Variants in LARGE1 observed in about 807,000 individuals in gnomAD.
LARGE1 encodes xylosyl- and glucuronyltransferase LARGE1.
A neutral mutation model predicts 87.6 loss-of-function variants in LARGE1; 43 were observed. The ratio of observed to expected loss-of-function variants is 0.49; its 90% CI spans 0.38 to 0.63. LARGE1 has a LOEUF of 0.63. Ranked by LOEUF, LARGE1 falls within the 30% of genes least tolerant of loss-of-function variation. The pLI, the probability that LARGE1 is intolerant of heterozygous loss-of-function variation, is 0.00. For missense variants in LARGE1, 802 were observed against 1,000.2 expected (o/e 0.80, Z 2.67); for synonymous variants, 434 against 394.6 (o/e 1.10, Z -1.18).
intron 1 of LARGE1, among the ~76,000 whole-genome samples, chr22:33,906,012 C>T (rs1205244957): frequency 1.3e-5 from 2 of 152,142 alleles, no homozygotes; most frequent in African/African-American, 4.8e-5. Flanking sequence ...CGCCTGTAGT[C>T]CCAGCTACTC....
At chr22:33,586,394 G>A (rs1386835266) in intron 5 of LARGE1, among the ~76,000 whole-genome samples, 2 of 151,908 alleles carry the variant, frequency 1.3e-5, no homozygotes, top group African/African-American at 4.8e-5. Context: ...CCCATGGTAT[G>A]CTGCACCCTT....
At chr22:33,120,550 G>A in the LARGE1 span, among the ~76,000 whole-genome samples, 29 of 150,790 alleles carry the variant, frequency 1.9e-4, no homozygotes, top group Admixed American at 9.9e-4. Context: ...CCAGGCTGGG[G>A]TGCAGCGGCA....
chr22:33,508,965 T>C (rs1381289252), intron 6 of LARGE1, among the ~76,000 whole-genome samples: 1 of 152,212 alleles, frequency 6.6e-6, no homozygotes, highest in Non-Finnish European at 1.5e-5. Context: ...GTGCTGGCAG[T>C]TACTTAGCTG....
At chr22:33,150,134 T>C in the LARGE1 span, among the ~76,000 whole-genome samples, 1 of 152,196 alleles carries the variant, frequency 6.6e-6, no homozygotes, top group Admixed American at 6.5e-5. Flanking sequence ...TCTCAAAAAG[T>C]ATCAAAGAAC....
chr22:33,138,128 C>G, the LARGE1 span, among the ~76,000 whole-genome samples: 2 of 152,214 alleles, frequency 1.3e-5, no homozygotes, highest in Non-Finnish European at 2.9e-5. Context: ...CTGTACCCTA[C>G]AAAACCGTAG....
At chr22:33,848,020 C>A (rs940343661) in intron 1 of LARGE1, among the ~76,000 whole-genome samples, 2 of 152,182 alleles carry the variant, frequency 1.3e-5, no homozygotes, top group South Asian at 2.1e-4. Flanking sequence ...CCAAAATGAT[C>A]AATGTCACCA....
At chr22:33,454,663 C>T (rs1239869480) in intron 6 of LARGE1, among the ~76,000 whole-genome samples, 1 of 151,080 alleles carries the variant, frequency 6.6e-6, no homozygotes, top group Non-Finnish European at 1.5e-5. Flanking sequence ...GTTTAATTGG[C>T]TCATGGTTCT....
At chr22:33,496,927 TTC>T (rs1167303649) in intron 6 of LARGE1, among the ~76,000 whole-genome samples, 1 of 152,170 alleles carries the variant, frequency 6.6e-6, no homozygotes, top group Non-Finnish European at 1.5e-5. Flanking sequence ...TATTTTTGCT[TTC>T]TGTTTATTTT....
At chr22:33,217,328 G>A (rs1395165262) in intron 11 of LARGE1, among the ~76,000 whole-genome samples, 1 of 152,002 alleles carries the variant, frequency 6.6e-6, no homozygotes, top group Non-Finnish European at 1.5e-5. Flanking sequence ...TCATTCTCAG[G>A]TCCTTACGTA....
chr22:33,375,664 A>G (rs1337523474), intron 9 of LARGE1, among the ~76,000 whole-genome samples: 1 of 152,228 alleles, frequency 6.6e-6, no homozygotes, highest in Admixed American at 6.5e-5. Context: ...CAGGTGCAGG[A>G]ACATTAGGAC....
At chr22:33,809,558 C>T (rs1376170368) in intron 1 of LARGE1, among the ~76,000 whole-genome samples, 1 of 152,160 alleles carries the variant, frequency 6.6e-6, no homozygotes, top group Non-Finnish European at 1.5e-5. Context: ...TCACATTCTG[C>T]ATGTCTAAAC....
chr22:33,279,708 G>A (rs954399086), intron 13 of LARGE1, among the ~76,000 whole-genome samples: 1 of 152,232 alleles, frequency 6.6e-6, no homozygotes, highest in Admixed American at 6.5e-5. Context: ...CATGGAGTGT[G>A]GAAAAGGGAT....
At chr22:33,857,029 C>T (rs2063775446) in intron 1 of LARGE1, among the ~76,000 whole-genome samples, 1 of 152,116 alleles carries the variant, frequency 6.6e-6, no homozygotes, top group Admixed American at 6.5e-5. Flanking sequence ...CTTCTGGATT[C>T]AAGTGATTCT....
At chr22:33,912,943 G>A (rs548627229) in intron 1 of LARGE1, among the ~76,000 whole-genome samples, 1 of 151,834 alleles carries the variant, frequency 6.6e-6, no homozygotes, top group African/African-American at 2.4e-5. Flanking sequence ...TGACTCTCCT[G>A]CCTCAGCCTC....
chr22:33,179,283 A>G (rs1923039561), intron 11 of LARGE1, among the ~76,000 whole-genome samples: 1 of 152,202 alleles, frequency 6.6e-6, no homozygotes, highest in African/African-American at 2.4e-5. Flanking sequence ...AACCACCCAC[A>G]TGTACAGAGG....
intron 6 of LARGE1, among the ~76,000 whole-genome samples, chr22:33,537,299 A>G (rs2077070024): frequency 6.6e-6 from 1 of 152,222 alleles, no homozygotes; most frequent in South Asian, 2.1e-4. Flanking sequence ...TCTGGGGAGA[A>G]TTCGATTCCC....
chr22:33,731,142 AC>A (rs1403697917), intron 2 of LARGE1, among the ~76,000 whole-genome samples: 1 of 151,514 alleles, frequency 6.6e-6, no homozygotes. Flanking sequence ...AGCTGGGACT[AC>A]CAGGCGCCTA....
the LARGE1 span, among the ~76,000 whole-genome samples, chr22:33,088,012 C>A: frequency 2.0e-5 from 3 of 152,064 alleles, no homozygotes; most frequent in Non-Finnish European, 4.4e-5. Context: ...AATAGCCACA[C>A]GTAGCCAGAG....
At chr22:33,892,864 C>G (rs977457626) in intron 1 of LARGE1, among the ~76,000 whole-genome samples, 4 of 152,230 alleles carry the variant, frequency 2.6e-5, no homozygotes, top group Non-Finnish European at 4.4e-5. Context: ...AATCAATATT[C>G]CCATTCACAC....
Sources: gnomAD v4.1 joint callset for allele counts (sites outside exome capture counted in the v4.1 genomes callset) on GRCh38, gnomAD v4.1.1 for gene constraint, MANE v1.5 for transcripts, NCBI Gene and HGNC (gene_info 2026-07-23, HGNC 2026-07-21) for gene names.